Variants in BTD observed in about 807,000 individuals in gnomAD.
The protein encoded by BTD is biocytinase.
Under a neutral mutation model 17.7 loss-of-function variants are expected in BTD, and 13 were observed. That is an observed-to-expected ratio of 0.74 (90% CI 0.48 to 1.17). The LOEUF (loss-of-function observed/expected upper bound fraction) is 1.17, where lower values mean the gene tolerates loss of function less well. BTD is among the 50% of genes most tolerant of loss of function. The pLI is 0.00. For synonymous variants in BTD, 240 were observed against 245.2 expected, an observed-to-expected ratio of 0.98 and a Z score of 0.20; for missense variants, 674 against 650.4, an observed-to-expected ratio of 1.04 and a Z score of -0.39.
At chr3:15,710,036 G>GTTTTT (rs34686530) in intron 3 of BTD, among the ~76,000 whole-genome samples, 2 of 146,336 alleles carry the variant, frequency 1.4e-5, no homozygotes. Flanking sequence ...TTGCTTATAG[G>GTTTTT]TTTTTTTTTT....
chr3:15,616,891 G>T (rs2064808119), intron 1 of BTD, among the ~76,000 whole-genome samples: 1 of 151,926 alleles, frequency 6.6e-6, no homozygotes, highest in South Asian at 2.1e-4. Flanking sequence ...GGAGTGCAGT[G>T]GTGCAATCTC....
intron 1 of BTD, among the ~76,000 whole-genome samples, chr3:15,626,005 A>G (rs2065058219): frequency 6.6e-6 from 1 of 152,094 alleles, no homozygotes; most frequent in African/African-American, 2.4e-5. Context: ...TTAATTTGTC[A>G]ATCTGTTTCT....
rs2065641064 is a variant in BTD, at chr3:15,644,628, C to A, written c.712C>A (p.Leu238Ile). 1 of 1,614,052 alleles carries A rather than the reference C, an allele frequency of 6.2e-7. No homozygotes were observed. The highest frequency in any genetic ancestry group is 1.3e-5 in the African/African-American group (1 of 74,928). ...GTTCTTTGACCCTGCCATCAGAGTC[C>A]TCAGAGACTACAAGGTGAAGCATGT... ...ILFFDPAIRV[L>I]RDYKVKHVVY... The change falls in exon 4 of 4, where the codon CTC (leucine) becomes ATC (isoleucine). Residue 238 changes from leucine to isoleucine, a missense_variant. Coordinates refer to ENST00000643237, the MANE Select transcript of BTD (RefSeq NM_001370658.1).
intron 3 of BTD, chr3:15,685,357 A>G (rs1426004352): frequency 1.4e-5 from 22 of 1,613,920 alleles, no homozygotes; most frequent in Non-Finnish European, 1.9e-5. Context: ...AGACAGGTGT[A>G]TAGGCGTCCG....
At chr3:15,695,804 G>A (rs538731968) in intron 3 of BTD, among the ~76,000 whole-genome samples, 6 of 152,030 alleles carry the variant, frequency 3.9e-5, no homozygotes, top group African/African-American at 1.4e-4. Context: ...CCTTTCACAG[G>A]GACTTTTATT....
Position 15,645,176 on chromosome 3 carries a change from G to A in BTD, c.1260G>A (p.Leu420=). 1 of 1,614,158 alleles carries A rather than the reference G, an allele frequency of 6.2e-7. No individual in the cohort carries two copies. The highest frequency in any genetic ancestry group is 8.5e-7 in the Non-Finnish European group (1 of 1,180,026). ...RPTLSKELYA[L]GVFDGLHTVH... ...CCTTATCCAAAGAGCTGTATGCCCT[G>A]GGGGTCTTTGATGGGCTTCACACAG... Residue 420 remains leucine (L), a synonymous_variant, in exon 4 of 4, where the codon CTG becomes CTA. Coordinates refer to ENST00000643237, the MANE Select transcript of BTD (RefSeq NM_001370658.1).
At chr3:15,663,669 T>G (rs901092313) in intron 3 of BTD, among the ~76,000 whole-genome samples, 1 of 152,232 alleles carries the variant, frequency 6.6e-6, no homozygotes, top group Non-Finnish European at 1.5e-5. Context: ...TATTGAAGTC[T>G]CTTCTCATTT....
At chr3:15,676,211 A>C in intron 3 of BTD, 1 of 400,536 alleles carries the variant, frequency 2.5e-6, no homozygotes, top group Non-Finnish European at 4.4e-6. Context: ...AAGCTCAGCC[A>C]TAGGTCCCAT....
In BTD at chr3:15,647,659, G is replaced by T. The variant is rs1180211711; in HGVS notation, c.*2171G>T. The stretch of plus-strand genomic sequence containing the variant: ...AAAAATATATCTATGACTAATGGTT[G>T]TGATTATGTTTTTGTCGATTGTGAT... On this transcript the variant is annotated 3_prime_UTR_variant, in exon 4 of 4. Coordinates refer to ENST00000643237, the MANE Select transcript of BTD (RefSeq NM_001370658.1). 1 of 152,232 alleles carries T rather than the reference G, an allele frequency of 6.6e-6. No individual in the cohort carries two copies. Among genetic ancestry groups the T allele is most frequent in the East Asian group, 1.9e-4 (1 of 5,202 alleles). The allele number at this position is 152,232 out of a possible 1,614,324, so 9.4% of individuals were successfully genotyped here. A position where few individuals can be genotyped will look rare whatever the true frequency, so the allele number is the denominator to read the frequency against.
intron 1 of BTD, among the ~76,000 whole-genome samples, chr3:15,631,740 G>A (rs1479600869): frequency 6.6e-6 from 1 of 152,160 alleles, no homozygotes; most frequent in East Asian, 1.9e-4. Flanking sequence ...CCTGCCAAGT[G>A]TTTCCTGTCT....
rs939248727 is a variant in BTD, at chr3:15,639,443, A to G, written c.250-2465A>G. Among the ~76,000 whole-genome samples, 16 of 152,318 alleles carry G rather than the reference A, an allele frequency of 1.1e-4. 4 individuals carry two copies. Among genetic ancestry groups the G allele is most frequent in the East Asian group, 1.9e-4 (1 of 5,192 alleles). ...AGATGGTAAAGCTGGTTCAAAGGAA[A>G]ATTCAAGGAATGGAAATGTGTATAT... On this transcript the variant is annotated intron_variant, in intron 2 of 3. Transcript: ENST00000643237.
Position 15,642,041 on chromosome 3 carries a change from G to T in BTD, c.383G>T (p.Arg128Leu). 1 of 1,614,122 alleles carries T rather than the reference G, an allele frequency of 6.2e-7. No individual in the cohort carries two copies. The highest frequency in any genetic ancestry group is 8.5e-7 in the Non-Finnish European group (1 of 1,180,006). ...VRWNPCLEPH[R>L]FNDTEVLQRL... is the part of the protein sequence containing the mutation. ...TGGAACCCATGCCTGGAGCCTCACCGCTTCAATGACACAGAGGTGATTCCT... is the reference window on the plus strand; with the variant it reads ...TGGAACCCATGCCTGGAGCCTCACCTCTTCAATGACACAGAGGTGATTCCT... The change falls in exon 3 of 4, where the codon CGC becomes CTC. Residue 128 changes from arginine to leucine, a missense_variant. Transcript: ENST00000643237.
At chr3:15,696,027 TA>T in intron 3 of BTD, 1 of 805,802 alleles carries the variant, frequency 1.2e-6, no homozygotes. Context: ...CTGAAAATGT[TA>T]AAAAACAAAA....
chr3:15,629,219 T>C (rs2065143295), intron 1 of BTD, among the ~76,000 whole-genome samples: 2 of 152,228 alleles, frequency 1.3e-5, no homozygotes, highest in South Asian at 2.1e-4. Context: ...AGTCAGAATA[T>C]AGGATATACA....
intron 2 of BTD, among the ~76,000 whole-genome samples, chr3:15,636,664 C>T (rs1391399711): frequency 6.6e-6 from 1 of 152,158 alleles, no homozygotes; most frequent in East Asian, 1.9e-4. Context: ...CTGCCCCAAA[C>T]AGTCCCTGCC....
At chr3:15,618,327 G>T (rs2064849453) in intron 1 of BTD, among the ~76,000 whole-genome samples, 1 of 152,166 alleles carries the variant, frequency 6.6e-6, no homozygotes, top group Non-Finnish European at 1.5e-5. Context: ...AGTTGGGATT[G>T]TGTTGAATCT....
intron 1 of BTD, chr3:15,602,221 T>G: frequency 7.4e-7 from 1 of 1,354,664 alleles, no homozygotes; most frequent in Non-Finnish European, 9.5e-7. Flanking sequence ...TCAGAGTCAG[T>G]AGATCCAGAC....
intron 3 of BTD, chr3:15,686,282 C>A: frequency 6.3e-7 from 1 of 1,587,472 alleles, no homozygotes; most frequent in Non-Finnish European, 8.6e-7. Flanking sequence ...TATTAATAGC[C>A]GTAAGCATTC....
At chr3:15,716,279 G>A (rs2073028517), downstream of BTD, among the ~76,000 whole-genome samples, 1 of 146,364 alleles carries the variant, frequency 6.8e-6, no homozygotes. Flanking sequence ...ACCGCACCTG[G>A]ACTTTTTTTT....
Sources: gnomAD v4.1 joint callset for allele counts (sites outside exome capture counted in the v4.1 genomes callset) on GRCh38, gnomAD v4.1.1 for gene constraint, MANE v1.5 for transcripts, NCBI Gene and HGNC (gene_info 2026-07-23, HGNC 2026-07-21) for gene names.